METAP1: variants seen among roughly 807,000 people sequenced by gnomAD.
METAP1 encodes methionine aminopeptidase 1.
Under a neutral mutation model 53.8 loss-of-function variants are expected in METAP1, and 28 were observed. The ratio of observed to expected loss-of-function variants is 0.52; its 90% CI spans 0.39 to 0.71. The LOEUF (loss-of-function observed/expected upper bound fraction) is 0.71, where lower values mean the gene tolerates loss of function less well. Ranked by LOEUF, METAP1 falls within the 30% of genes least tolerant of loss-of-function variation. The probability of loss-of-function intolerance (pLI) is 0.00; values close to 1 mark genes in which losing one functional copy is unlikely to be tolerated. For synonymous variants in METAP1, 181 were observed against 165.7 expected, an observed-to-expected ratio of 1.09 and a Z score of -0.71; for missense variants, 389 against 479.8, an observed-to-expected ratio of 0.81 and a Z score of 1.77.
At chr4:99,016,791 G>T (rs1037686449) in intron 1 of METAP1, among the ~76,000 whole-genome samples, 1 of 152,146 alleles carries the variant, frequency 6.6e-6, no homozygotes, top group African/African-American at 2.4e-5. Flanking sequence ...GACCTGTCTG[G>T]CCAGGGTGTA....
intron 10 of METAP1, among the ~76,000 whole-genome samples, chr4:99,060,801 G>A (rs1727495511): frequency 6.6e-6 from 1 of 152,102 alleles, no homozygotes; most frequent in South Asian, 2.1e-4. Context: ...CATATTCATA[G>A]GGTACATAGT....
At chr4:98,996,959 A>C (rs575753758) in intron 1 of METAP1, among the ~76,000 whole-genome samples, 3 of 152,342 alleles carry the variant, frequency 2.0e-5, no homozygotes, top group South Asian at 4.1e-4. Flanking sequence ...AATCTTTCTG[A>C]GTTCCAGTGT....
At chr4:99,010,811 C>G (rs1469277079) in intron 1 of METAP1, among the ~76,000 whole-genome samples, 1 of 152,140 alleles carries the variant, frequency 6.6e-6, no homozygotes, top group Admixed American at 6.5e-5. Flanking sequence ...TGGGATGTCT[C>G]TCTATTTGTG....
intron 1 of METAP1, among the ~76,000 whole-genome samples, chr4:99,009,685 T>C (rs150552130): frequency 6.6e-6 from 1 of 152,340 alleles, no homozygotes; most frequent in Non-Finnish European, 1.5e-5. Context: ...AAATGTCTGC[T>C]TAAGTCTTTT....
chr4:98,996,060 C>A (rs1722605272), intron 1 of METAP1, among the ~76,000 whole-genome samples, 193 bp downstream of exon 1: 1 of 152,154 alleles, frequency 6.6e-6, no homozygotes, highest in Admixed American at 6.5e-5. Flanking sequence ...CCTCGGGAAC[C>A]GCGCTGGGCT....
rs1325269401 is a variant in METAP1 at position 98,995,766 on chromosome 4, G to A, written c.13G>A (p.Glu5Lys). Residue 5 changes from glutamate to lysine, a missense_variant, in exon 1 of 11, where the codon GAG becomes AAG. Coordinates refer to ENST00000296411, the MANE Select transcript of METAP1 (RefSeq NM_015143.3). MAAVETRVCETDGCS... is the reference protein window; with the variant it reads MAAVKTRVCETDGCS... The stretch of plus-strand genomic sequence containing the variant: ...GCGGGCAGGCAGCATGGCGGCCGTG[G>A]AGACGCGGGTGTGCGAGACAGACGG... 2 of 1,544,646 alleles carry A rather than the reference G, an allele frequency of 1.3e-6. No homozygotes were observed. Among genetic ancestry groups the A allele is most frequent in the Admixed American group, 3.9e-5 (2 of 50,730 alleles).
chr4:99,008,214 G>A (rs1032864816), intron 1 of METAP1, among the ~76,000 whole-genome samples: 1 of 152,046 alleles, frequency 6.6e-6, no homozygotes, highest in Non-Finnish European at 1.5e-5. Context: ...GTGAAGGAGA[G>A]GACATTCTCT....
chr4:99,005,799 T>C (rs924946359), intron 1 of METAP1: 34 of 429,440 alleles, frequency 7.9e-5, no homozygotes, highest in African/African-American at 4.5e-4. Flanking sequence ...GCTGTTATTC[T>C]AAGTGAAGTA....
chr4:99,006,749 A>G (rs1391036460), intron 1 of METAP1, among the ~76,000 whole-genome samples: 2 of 152,144 alleles, frequency 1.3e-5, no homozygotes, highest in African/African-American at 4.8e-5. Context: ...CAAAGCTCAC[A>G]TATAGCATTT....
intron 1 of METAP1, among the ~76,000 whole-genome samples, chr4:99,000,512 T>C (rs1455487533): frequency 2.0e-5 from 3 of 152,184 alleles, no homozygotes; most frequent in African/African-American, 7.2e-5. Flanking sequence ...TCATATGTAA[T>C]GTTATTAAAA....
intron 1 of METAP1, among the ~76,000 whole-genome samples, chr4:99,022,005 A>G (rs1431863707): frequency 6.6e-6 from 1 of 152,216 alleles, no homozygotes; most frequent in African/African-American, 2.4e-5. Flanking sequence ...ATGCCTTACA[A>G]GGCCCTTCCT....
Position 99,039,372 on chromosome 4 carries a change from A to C in METAP1, c.341-2A>C. 6.3e-7 allele frequency: 1 copy of C among 1,595,658 alleles called. No homozygotes were observed. Among genetic ancestry groups the C allele is most frequent in the South Asian group, 1.1e-5 (1 of 89,304 alleles). ...GTTTTACTTACCGAATTTTCATTCC[A>C]GGAATGTCTGAATCTGAACAGGCTC... On this transcript the variant is annotated splice_acceptor_variant, in intron 4 of 10. Coordinates refer to ENST00000296411, the MANE Select transcript of METAP1 (RefSeq NM_015143.3). LOFTEE classifies it high-confidence loss of function.
intron 1 of METAP1, among the ~76,000 whole-genome samples, chr4:99,008,631 C>T (rs1034314268): frequency 3.9e-5 from 6 of 151,982 alleles, no homozygotes; most frequent in Non-Finnish European, 7.4e-5. Context: ...CATTAATTAC[C>T]CCTGTGTTTT....
At chr4:99,049,044 TACTC>T (rs1184173038) in intron 9 of METAP1, among the ~76,000 whole-genome samples, 168 bp downstream of exon 9, 6 of 152,356 alleles carry the variant, frequency 3.9e-5, no homozygotes, top group African/African-American at 1.2e-4. Flanking sequence ...GTTCGTATCT[TACTC>T]ACATAATAGT....
chr4:99,032,061 A>G (rs1048072754), intron 2 of METAP1, among the ~76,000 whole-genome samples: 2 of 152,226 alleles, frequency 1.3e-5, no homozygotes, highest in Middle Eastern at 6.3e-3. Flanking sequence ...GGCTCAGATC[A>G]AATTGATCCT....
intron 1 of METAP1, among the ~76,000 whole-genome samples, chr4:99,008,617 T>C (rs11097642): frequency 0.078 from 11,928 of 152,244 alleles, 1,201 homozygotes; most frequent in East Asian, 0.57. Context: ...AAACTTGGAC[T>C]TGTCATTAAT....
At position 99,059,501 on chromosome 4, in the gene METAP1, A is replaced by G. The variant is rs1727390150; in HGVS notation, c.998-1653A>G. On this transcript the variant is annotated intron_variant, in intron 10 of 10. Transcript: ENST00000296411. ...AGTAGTTTACTTCACTACAGAGTTT[A>G]TGTTCTGGGATTTGTCTGTCTGAGG... Among the ~76,000 whole-genome samples the G allele has an allele frequency of 1.3e-5, 2 of 152,134 alleles. 1 individual carries two copies. Among genetic ancestry groups the G allele is most frequent in the South Asian group, 4.1e-4 (2 of 4,832 alleles).
chr4:99,024,158 C>T (rs982405894), intron 1 of METAP1, among the ~76,000 whole-genome samples: 2 of 152,282 alleles, frequency 1.3e-5, no homozygotes, highest in East Asian at 3.9e-4. Context: ...CGTAAAAATC[C>T]CTGTCCTGTT....
intron 1 of METAP1, among the ~76,000 whole-genome samples, chr4:99,010,560 C>T (rs1461266253): frequency 1.3e-5 from 2 of 152,206 alleles, no homozygotes; most frequent in African/African-American, 4.8e-5. Flanking sequence ...GCCAGTATTA[C>T]ACCATTTTCA....
Sources: gnomAD v4.1 joint callset for allele counts (sites outside exome capture counted in the v4.1 genomes callset) on GRCh38, gnomAD v4.1.1 for gene constraint, MANE v1.5 for transcripts, NCBI Gene and HGNC (gene_info 2026-07-23, HGNC 2026-07-21) for gene names.